EYA2: variants seen among roughly 807,000 people sequenced by gnomAD.
The protein encoded by EYA2 is EYA transcriptional coactivator and phosphatase 2.
EYA2 carries 31 observed loss-of-function variants against 69.2 expected under a neutral mutation model. The ratio of observed to expected loss-of-function variants is 0.45; its 90% CI spans 0.34 to 0.60. The LOEUF is 0.60. Among genes scored for constraint, EYA2 ranks in the 20% least tolerant of loss-of-function variants. The pLI is 0.02. For missense variants in EYA2, 622 were observed against 701.2 expected (o/e 0.89, Z 1.28); for synonymous variants, 257 against 279.4 (o/e 0.92, Z 0.80).
intron 1 of EYA2, among the ~76,000 whole-genome samples, chr20:46,924,657 G>A (rs4810578): frequency 0.28 from 32,991 of 118,414 alleles, 5,025 homozygotes; most frequent in Non-Finnish European, 0.35. Context: ...CCAATAGAGC[G>A]AGACTCCATC....
intron 3 of EYA2, among the ~76,000 whole-genome samples, chr20:47,001,801 T>TA (rs1402195455): frequency 7.2e-5 from 10 of 139,708 alleles, no homozygotes; most frequent in African/African-American, 2.3e-4. Context: ...TTTTTTTTTT[T>TA]ATTCTTTTCT....
intron 5 of EYA2, among the ~76,000 whole-genome samples, chr20:47,071,370 A>C (rs1276026111): frequency 2.0e-5 from 3 of 152,186 alleles, no homozygotes; most frequent in Non-Finnish European, 4.4e-5. Flanking sequence ...TAGAGTGGCC[A>C]TAATCAAGAA....
At chr20:47,069,233 T>A (rs991010606) in intron 5 of EYA2, among the ~76,000 whole-genome samples, 6 of 152,086 alleles carry the variant, frequency 3.9e-5, no homozygotes, top group African/African-American at 1.4e-4. Flanking sequence ...GTGGCTCACG[T>A]CTGTAATCCC....
intron 1 of EYA2, among the ~76,000 whole-genome samples, chr20:46,962,717 C>T (rs953819773): frequency 2.6e-5 from 4 of 152,176 alleles, no homozygotes; most frequent in Non-Finnish European, 4.4e-5. Context: ...ACTACCTTGT[C>T]GCATCCTACC....
At chr20:47,124,517 T>C (rs2033129460) in intron 9 of EYA2, among the ~76,000 whole-genome samples, 1 of 152,188 alleles carries the variant, frequency 6.6e-6, no homozygotes, top group Non-Finnish European at 1.5e-5. Context: ...TTGTCAATGC[T>C]GATGGCAGCA....
At chr20:47,067,667 TAGAG>T (rs2031166873) in intron 5 of EYA2, among the ~76,000 whole-genome samples, 3 of 152,318 alleles carry the variant, frequency 2.0e-5, no homozygotes, top group Admixed American at 6.5e-5. Flanking sequence ...CACAACCACA[TAGAG>T]AGGAACTATC....
chr20:47,093,305 C>G (rs1184000455), intron 8 of EYA2, among the ~76,000 whole-genome samples: 4 of 152,194 alleles, frequency 2.6e-5, no homozygotes, highest in African/African-American at 9.6e-5. Context: ...CTGTCAGATC[C>G]CGGGGTCTGG....
Position 47,180,892 on chromosome 20 carries a change from G to A in EYA2, c.1391G>A (p.Gly464Glu), listed in dbSNP as rs772558636. Reference protein sequence around the residue: ...ALAKVLLYGLGSVFPIENIYS... With the variant: ...ALAKVLLYGLESVFPIENIYS... ...GCCAAAGTCCTGCTATATGGCCTGG[G>A]GTCTGTGTTTCCTATTGAGAACATC... is the stretch of plus-strand genomic sequence containing the variant. The change falls in exon 14 of 16, where the codon GGG becomes GAG. Residue 464 changes from glycine to glutamate, a missense_variant. Transcript: ENST00000327619. The A allele has an allele frequency of 3.7e-6, 6 of 1,614,036 alleles. No individual in the cohort carries two copies. Among genetic ancestry groups the A allele is most frequent in the African/African-American group, 1.3e-5 (1 of 74,912 alleles).
chr20:47,010,980 G>A (rs900191139), intron 4 of EYA2, among the ~76,000 whole-genome samples: 1 of 151,844 alleles, frequency 6.6e-6, no homozygotes, highest in Non-Finnish European at 1.5e-5. Context: ...GTAGAGACAG[G>A]GTTTCACCAT....
intron 2 of EYA2, among the ~76,000 whole-genome samples, chr20:46,995,079 T>G (rs971876297): frequency 1.3e-5 from 2 of 152,102 alleles, no homozygotes; most frequent in Admixed American, 6.5e-5. Flanking sequence ...TTTTGTATTT[T>G]TAGTAGAGGC....
At chr20:47,129,739 G>A (rs1267059424) in intron 9 of EYA2, among the ~76,000 whole-genome samples, 5 of 152,190 alleles carry the variant, frequency 3.3e-5, no homozygotes, top group East Asian at 3.9e-4. Context: ...CTCCCTCACC[G>A]CCCCCCTCTC....
intron 5 of EYA2, among the ~76,000 whole-genome samples, chr20:47,037,826 C>T (rs6090609): frequency 6.6e-6 from 1 of 152,180 alleles, no homozygotes; most frequent in Non-Finnish European, 1.5e-5. Flanking sequence ...GCTTAGCAAC[C>T]TTAATTCCAT....
chr20:47,053,432 A>G (rs1417634356), intron 5 of EYA2, among the ~76,000 whole-genome samples: 1 of 152,080 alleles, frequency 6.6e-6, no homozygotes, highest in Non-Finnish European at 1.5e-5. Context: ...TTGGGAAACC[A>G]AGATGAGCAG....
intron 8 of EYA2, 56 bp from the exon 9 acceptor site, chr20:47,097,029 A>C: frequency 7.9e-7 from 1 of 1,260,620 alleles, no homozygotes. Context: ...TGCAGACATT[A>C]AGTCAGATGC....
At chr20:46,932,796 G>C (rs1341449777) in intron 1 of EYA2, among the ~76,000 whole-genome samples, 2 of 152,106 alleles carry the variant, frequency 1.3e-5, no homozygotes, top group South Asian at 4.1e-4. Flanking sequence ...TGAGGCAGGA[G>C]AATCGCTTGA....
chr20:46,929,152 CAA>C (rs11329475), intron 1 of EYA2, among the ~76,000 whole-genome samples: 7,092 of 98,292 alleles, frequency 0.072, 251 homozygotes, highest in African/African-American at 0.14. Flanking sequence ...ATAAGTTGTG[CAA>C]AAAAAAAAAA....
At chr20:46,948,912 C>T (rs1038116396) in intron 1 of EYA2, among the ~76,000 whole-genome samples, 3 of 152,120 alleles carry the variant, frequency 2.0e-5, no homozygotes, top group Non-Finnish European at 4.4e-5. Context: ...CTGTTTTCTT[C>T]ATATATATTT....
At chr20:46,967,560 G>C (rs1013606733) in intron 1 of EYA2, among the ~76,000 whole-genome samples, 1 of 152,180 alleles carries the variant, frequency 6.6e-6, no homozygotes, top group African/African-American at 2.4e-5. Context: ...CTAAAGTGGG[G>C]TGAAGGGGAA....
chr20:47,159,429 A>G (rs1259343825), intron 10 of EYA2, among the ~76,000 whole-genome samples: 1 of 152,016 alleles, frequency 6.6e-6, no homozygotes, highest in Non-Finnish European at 1.5e-5. Flanking sequence ...GGAAAGCCTG[A>G]GAAACTGTCA....
Sources: allele counts gnomAD v4.1 joint callset (sites outside exome capture counted in the v4.1 genomes callset), GRCh38; gene constraint gnomAD v4.1.1; transcripts MANE v1.5; gene names NCBI Gene and HGNC (gene_info 2026-07-23, HGNC 2026-07-21).